Variants in EYA3 observed in about 807,000 individuals in gnomAD.
EYA3 encodes the protein protein phosphatase EYA3.
In EYA3, 39 loss-of-function variants were observed where a neutral mutation model predicts 80.0. That is an observed-to-expected ratio of 0.49 (90% confidence interval 0.38 to 0.64). EYA3 has a LOEUF of 0.64. Among genes scored for constraint, EYA3 ranks in the 30% least tolerant of loss-of-function variants. The pLI is 0.00. For synonymous variants in EYA3, 206 were observed against 232.8 expected (o/e 0.88, Z 1.05); for missense variants, 523 against 676.1 (o/e 0.77, Z 2.51).
At chr1:28,081,479 C>T (rs1406000255) in intron 1 of EYA3, among the ~76,000 whole-genome samples, 1 of 152,112 alleles carries the variant, frequency 6.6e-6, no homozygotes, top group Admixed American at 6.6e-5. Flanking sequence ...TGTAATAAAA[C>T]ACTGATTTTT....
At chr1:28,081,049 G>T (rs1364955175) in intron 1 of EYA3, among the ~76,000 whole-genome samples, 1 of 152,088 alleles carries the variant, frequency 6.6e-6, no homozygotes, top group Non-Finnish European at 1.5e-5. Flanking sequence ...GAGCCACTGC[G>T]CCCGGCCGAT....
intron 2 of EYA3, among the ~76,000 whole-genome samples, chr1:28,055,053 T>G (rs1411392596): frequency 6.6e-6 from 1 of 152,218 alleles, no homozygotes; most frequent in Non-Finnish European, 1.5e-5. Flanking sequence ...AGCTATTATA[T>G]ATTTTCTCTA....
At chr1:28,061,888 C>G (rs1466024776) in intron 1 of EYA3, among the ~76,000 whole-genome samples, 1 of 150,402 alleles carries the variant, frequency 6.6e-6, no homozygotes, top group African/African-American at 2.4e-5. Context: ...TGTGAGCCAC[C>G]GCGCCCGGTC....
intron 10 of EYA3, chr1:28,010,687 T>C (rs1045632360): frequency 2.4e-5 from 9 of 368,148 alleles, no homozygotes; most frequent in African/African-American, 1.7e-4. Flanking sequence ...AAATTTTAAA[T>C]AGAGAACAGT....
chr1:28,047,067 T>G (rs891620813), intron 3 of EYA3, among the ~76,000 whole-genome samples: 11 of 152,006 alleles, frequency 7.2e-5, no homozygotes, highest in African/African-American at 2.4e-4. Flanking sequence ...CAGGCTGGTC[T>G]CAAACTACTG....
At chr1:27,997,504 T>C (rs1640544522) in intron 12 of EYA3, 126 bp from the exon 13 acceptor site, 6 of 826,462 alleles carry the variant, frequency 7.3e-6, no homozygotes, top group Non-Finnish European at 4.1e-6. Flanking sequence ...CTCTTATGTG[T>C]GGGTGATCAC....
At chr1:28,022,230 G>T (rs900388772) in intron 7 of EYA3, among the ~76,000 whole-genome samples, 1 of 151,872 alleles carries the variant, frequency 6.6e-6, no homozygotes, top group Non-Finnish European at 1.5e-5. Context: ...CTCACTGCAA[G>T]CTCCGCCTCC....
intron 1 of EYA3, among the ~76,000 whole-genome samples, chr1:28,061,862 G>A (rs1212092979): frequency 6.6e-6 from 1 of 151,926 alleles, no homozygotes; most frequent in Non-Finnish European, 1.5e-5. Context: ...GCCTCCCAAA[G>A]TGCTGGCATT....
chr1:28,033,311 T>C (rs1245067911), intron 6 of EYA3, among the ~76,000 whole-genome samples: 3 of 152,184 alleles, frequency 2.0e-5, no homozygotes, highest in Non-Finnish European at 4.4e-5. Flanking sequence ...ACAGTCACTT[T>C]TAAAAGTTTT....
intron 16 of EYA3, among the ~76,000 whole-genome samples, chr1:27,985,687 T>C (rs1265592626): frequency 1.3e-5 from 2 of 152,178 alleles, no homozygotes; most frequent in East Asian, 3.9e-4. Flanking sequence ...GTTCAAGCGA[T>C]GCTCCTGCCT....
chr1:28,001,263 A>C (rs935252305), intron 11 of EYA3, among the ~76,000 whole-genome samples: 18 of 148,876 alleles, frequency 1.2e-4, no homozygotes, highest in African/African-American at 4.2e-4. Flanking sequence ...TATATGATAC[A>C]AGATATATAC....
chr1:27,990,265 A>G lies in EYA3; in HGVS notation c.1304-454T>C, dbSNP rs115361865. 480 of 182,632 alleles carry G rather than the reference A, an allele frequency of 2.6e-3. 2 individuals carry two copies. Among genetic ancestry groups the G allele is most frequent in the African/African-American group, 0.01 (444 of 42,492 alleles). The allele number at this position is 182,632 out of a possible 1,614,324, so 11.3% of individuals were successfully genotyped here. A position where few individuals can be genotyped will look rare whatever the true frequency, so the allele number is the denominator to read the frequency against. On this transcript the variant is annotated intron_variant, in intron 14 of 17. Coordinates refer to ENST00000373871, the MANE Select transcript of EYA3 (RefSeq NM_001990.4). ...AGGCACAGGCCTGCGCCCCGGTCAC[A>G]TCACCCACCATCTTCCTGTCCCTAG...
chr1:28,042,456 G>A (rs968931835), intron 4 of EYA3, 115 bp downstream of exon 4: 19 of 797,394 alleles, frequency 2.4e-5, no homozygotes, highest in African/African-American at 3.4e-5. Context: ...AAGGATGGGA[G>A]AGCCTTCAGG....
chr1:28,017,216 T>C lies in EYA3; in HGVS notation c.523A>G (p.Ile175Val). ...TTGGCAATTGTAGAAGAAGTAGATA[T>C]CAGGCTGGCATTTGTGCTTGAAGCT... ...IQASSTNASLISTSSTIANIP... is the reference protein window; with the variant it reads ...IQASSTNASLVSTSSTIANIP... Residue 175 changes from isoleucine to valine, a missense_variant, in exon 8 of 18, where the codon ATA becomes GTA. This residue lies in a region of EYA3 where 304 missense variants were observed against 343.3 expected (regional missense o/e 0.89). Transcript: ENST00000373871. 2 of 1,613,878 alleles carry C rather than the reference T, an allele frequency of 1.2e-6. No individual in the cohort carries two copies. Among genetic ancestry groups the C allele is most frequent in the Non-Finnish European group, 8.5e-7 (1 of 1,179,816 alleles).
intron 1 of EYA3, among the ~76,000 whole-genome samples, chr1:28,086,431 C>T (rs1645655574): frequency 6.6e-6 from 1 of 152,156 alleles, no homozygotes; most frequent in Non-Finnish European, 1.5e-5. Flanking sequence ...AATCCTCTGG[C>T]CTTGGCCTTC....
chr1:28,004,878 G>C (rs1156929067), intron 10 of EYA3, among the ~76,000 whole-genome samples: 1 of 151,706 alleles, frequency 6.6e-6, no homozygotes, highest in Non-Finnish European at 1.5e-5. Context: ...AAACAACAGA[G>C]AAAAATCAAT....
At chr1:28,069,825 GA>G (rs1644961329) in intron 1 of EYA3, among the ~76,000 whole-genome samples, 1 of 152,176 alleles carries the variant, frequency 6.6e-6, no homozygotes, top group Non-Finnish European at 1.5e-5. Context: ...TTTGAGATGA[GA>G]TTATACATAG....
intron 2 of EYA3, among the ~76,000 whole-genome samples, chr1:28,051,351 G>GA (rs574780778): frequency 0.011 from 1,562 of 148,468 alleles, 15 homozygotes; most frequent in African/African-American, 0.027. Flanking sequence ...ATTCAAAAAT[G>GA]AAAAAAAAAA....
At position 28,013,396 on chromosome 1, in the gene EYA3, T is replaced by C; in HGVS notation, c.586-102A>G. On this transcript the variant is annotated intron_variant, in intron 8 of 17. Coordinates refer to ENST00000373871, the MANE Select transcript of EYA3 (RefSeq NM_001990.4). This position sits in a 1 kb window ranked among gnomAD's most constrained non-coding sequence, Gnocchi z 4.0. The stretch of plus-strand genomic sequence containing the variant: ...TCTTTCTTATTCATAATTATTTTTC[T>C]AAAACATTAATTTGACTTCTCATTT... 1 of 1,047,956 alleles carries C rather than the reference T, an allele frequency of 9.5e-7. No homozygotes were observed. The allele number at this position is 1,047,956 out of a possible 1,614,324, so 64.9% of individuals were successfully genotyped here. A position where few individuals can be genotyped will look rare whatever the true frequency, so the allele number is the denominator to read the frequency against.
Sources: gnomAD v4.1 joint callset for allele counts (sites outside exome capture counted in the v4.1 genomes callset) on GRCh38, gnomAD v4.1.1 for gene constraint, gnomAD v4.1.1 regional missense constraint, Gnocchi (gnomAD v3.1) non-coding constraint, MANE v1.5 for transcripts, NCBI Gene and HGNC (gene_info 2026-07-23, HGNC 2026-07-21) for gene names.